ADGRE1: variants seen among roughly 807,000 people sequenced by gnomAD.
ADGRE1 encodes adhesion G protein-coupled receptor E1, also known as EGF-like module receptor 1.
ADGRE1 carries 82 observed loss-of-function variants against 102.7 expected under a neutral mutation model. The observed-to-expected ratio is 0.80, with a 90% CI of 0.67 to 0.96. ADGRE1 has a LOEUF of 0.96. ADGRE1 is among the 40% of genes least tolerant of loss of function. ADGRE1 has a pLI of 0.00. For synonymous variants in ADGRE1, 398 were observed against 399.6 expected (o/e 1.00, Z 0.05); for missense variants, 1,032 against 1,085.3 (o/e 0.95, Z 0.69).
intron 17 of ADGRE1, among the ~76,000 whole-genome samples, chr19:6,932,728 T>C (rs1975215944): frequency 6.6e-6 from 1 of 152,142 alleles, no homozygotes; most frequent in Non-Finnish European, 1.5e-5. Context: ...CCTTTCTGGC[T>C]TTTTCCTGCC....
chr19:6,910,773 A>G (rs1420640918), intron 10 of ADGRE1, among the ~76,000 whole-genome samples: 1 of 151,966 alleles, frequency 6.6e-6, no homozygotes, highest in Non-Finnish European at 1.5e-5. Flanking sequence ...GGGTTTCACC[A>G]TGTTGGCCAG....
intron 17 of ADGRE1, among the ~76,000 whole-genome samples, chr19:6,933,945 C>A (rs969205418): frequency 1.4e-4 from 21 of 152,202 alleles, no homozygotes; most frequent in African/African-American, 5.1e-4. Context: ...TAATAAACTC[C>A]ACTCAAGTTC....
intron 5 of ADGRE1, among the ~76,000 whole-genome samples, chr19:6,900,159 A>C (rs1973713935): frequency 6.6e-6 from 1 of 151,876 alleles, no homozygotes; most frequent in African/African-American, 2.4e-5. Flanking sequence ...CAGTCATCAC[A>C]CCTTGGAGAA....
At chr19:6,926,268 T>G in intron 15 of ADGRE1, 98 bp from the exon 16 acceptor site, 1 of 1,308,692 alleles carries the variant, frequency 7.6e-7, no homozygotes, top group Non-Finnish European at 1.1e-6. Context: ...GTGAGCTAGG[T>G]TTGGGGAATT....
chr19:6,939,167 A>G (rs1010760190), intron 20 of ADGRE1, among the ~76,000 whole-genome samples: 7 of 152,276 alleles, frequency 4.6e-5, no homozygotes, highest in African/African-American at 1.7e-4. Context: ...GAGCCACAGG[A>G]ATCACCCCAC....
rs796674956 is a variant in ADGRE1 at position 6,902,395 on chromosome 19, TTTTG to T, written c.661+394_661+397del. Among the ~76,000 whole-genome samples, 660 of 152,092 alleles carry T rather than the reference TTTTG, an allele frequency of 4.3e-3. 4 individuals carry two copies. Among genetic ancestry groups the T allele is most frequent in the African/African-American group, 0.015 (622 of 41,502 alleles). On this transcript the variant is annotated intron_variant, in intron 6 of 20. Coordinates refer to ENST00000312053, the MANE Select transcript of ADGRE1 (RefSeq NM_001974.5). ...CTCAACCCCTCCACTGTGTGCCTCT[TTTTG>T]TTTGTTTGTTTGTTTGTTTTTTGTT...
chr19:6,896,094 G>T (rs754745925), intron 2 of ADGRE1: 151 of 246,766 alleles, frequency 6.1e-4, no homozygotes, highest in Non-Finnish European at 1.0e-3. Context: ...ATCCCGGTTT[G>T]CACTGTTGCA....
chr19:6,920,715 G>A (rs1397020236), intron 13 of ADGRE1, among the ~76,000 whole-genome samples: 1 of 150,458 alleles, frequency 6.6e-6, no homozygotes, highest in African/African-American at 2.5e-5. Context: ...TCACCGTGTT[G>A]CTCAGGTTGG....
At chr19:6,930,398 A>G (rs1568362924) in intron 17 of ADGRE1, among the ~76,000 whole-genome samples, 1 of 152,142 alleles carries the variant, frequency 6.6e-6, no homozygotes, top group African/African-American at 2.4e-5. Context: ...ATGGTGGCTC[A>G]TTCCCTTATG....
chr19:6,913,864 A>C, intron 11 of ADGRE1, 34 bp downstream of exon 11: 1 of 1,507,550 alleles, frequency 6.6e-7, no homozygotes. Flanking sequence ...GGTTACACCT[A>C]GGGGATGATT....
At chr19:6,923,735 G>A (rs116262097) in intron 14 of ADGRE1, among the ~76,000 whole-genome samples, 1,740 of 151,452 alleles carry the variant, frequency 0.011, 40 homozygotes, top group African/African-American at 0.04. Flanking sequence ...ATAGGATTTC[G>A]CCATGTTGGC....
rs1280231144 is a variant in ADGRE1, at chr19:6,926,440, T to C, written c.2061T>C (p.Ala687=). ...LACFFWMLVE[A]VILFLMVRNL... ...GCTTCTTCTGGATGCTGGTGGAGGC[T>C]GTGATACTGTTCTTGATGGTCAGAA... The change falls in exon 16 of 21, where the codon GCT becomes GCC. Residue 687 remains alanine, a synonymous_variant. Coordinates refer to ENST00000312053, the MANE Select transcript of ADGRE1 (RefSeq NM_001974.5). 6.2e-7 allele frequency: 1 copy of C among 1,614,136 alleles called. No homozygotes were observed. Among genetic ancestry groups the C allele is most frequent in the Non-Finnish European group, 8.5e-7 (1 of 1,180,054 alleles).
chr19:6,927,270 C>T (rs1046375961), intron 16 of ADGRE1, among the ~76,000 whole-genome samples: 16 of 130,466 alleles, frequency 1.2e-4, no homozygotes, highest in Non-Finnish European at 2.3e-4. Flanking sequence ...CCCTTCCTTC[C>T]TTGCCTTCCT....
At chr19:6,911,385 G>T (rs375534954) in intron 10 of ADGRE1, among the ~76,000 whole-genome samples, 297 of 79,726 alleles carry the variant, frequency 3.7e-3, no homozygotes, top group South Asian at 5.6e-3. Flanking sequence ...ATTCCTTTTA[G>T]TTTTTTTTTT....
chr19:6,920,516 C>CTTTTTTTTTTTTTT (rs3053967), intron 13 of ADGRE1, among the ~76,000 whole-genome samples: 2 of 75,748 alleles, frequency 2.6e-5, no homozygotes, highest in African/African-American at 8.9e-5. Flanking sequence ...ACCATGCCCG[C>CTTTTTTTTTTTTTT]TTTTTTTTTT....
rs57355800 is a variant in ADGRE1, at chr19:6,890,421, G to GTTT, written c.32-39_32-37dup. On this transcript the variant is annotated intron_variant, in intron 1 of 20. Transcript: ENST00000312053. ...TAATTTTGCAGGTTGAGCCCAAAAG[G>GTTT]TTTTTTTTTTTTTTTTTTTTTTTGG... 5.8e-3 allele frequency: 2,600 copies of GTTT among 445,954 alleles called. 1 individual carries two copies. Among genetic ancestry groups the GTTT allele is most frequent in the South Asian group, 0.013 (434 of 32,994 alleles). 27.6% of individuals were successfully genotyped at this position (445,954 alleles called of 1,614,324 possible).
At chr19:6,923,037 A>C (rs554224861) in intron 14 of ADGRE1, among the ~76,000 whole-genome samples, 94 of 152,276 alleles carry the variant, frequency 6.2e-4, no homozygotes, top group African/African-American at 2.2e-3. Context: ...AGATCATGCC[A>C]CTGTACTCCA....
At chr19:6,938,932 A>T (rs957291110) in intron 20 of ADGRE1, among the ~76,000 whole-genome samples, 5 of 151,598 alleles carry the variant, frequency 3.3e-5, no homozygotes, top group African/African-American at 7.3e-5. Context: ...AGTAGCTGGG[A>T]TTACAGGCGC....
intron 17 of ADGRE1, among the ~76,000 whole-genome samples, chr19:6,931,394 A>T (rs1975143262): frequency 1.3e-5 from 2 of 152,112 alleles, no homozygotes; most frequent in Non-Finnish European, 2.9e-5. Context: ...TTGTTGTTTC[A>T]CAGTTCTGGA....
Sources: allele counts gnomAD v4.1 joint callset (sites outside exome capture counted in the v4.1 genomes callset), GRCh38; gene constraint gnomAD v4.1.1; transcripts MANE v1.5; gene names NCBI Gene and HGNC (gene_info 2026-07-23, HGNC 2026-07-21).